The following TMEM165 variants were observed in gnomAD, a reference collection of about 807,000 sequenced individuals.
The protein encoded by TMEM165 is transmembrane protein 165.
In TMEM165, 19 loss-of-function variants were observed where a neutral mutation model predicts 30.0. That is an observed-to-expected ratio of 0.63 (90% CI 0.44 to 0.93). The LOEUF (loss-of-function observed/expected upper bound fraction) is 0.93, where lower values mean the gene tolerates loss of function less well. TMEM165 is among the 40% of genes least tolerant of loss of function. The pLI is 0.00. For missense variants in TMEM165, 340 were observed against 417.0 expected (o/e 0.82, Z 1.61); for synonymous variants, 168 against 162.9 (o/e 1.03, Z -0.24).
intron 4 of TMEM165, among the ~76,000 whole-genome samples, chr4:55,420,106 A>AAAAATATAT (rs1474254120): frequency 6.6e-5 from 3 of 45,454 alleles, no homozygotes; most frequent in Admixed American, 2.4e-4. Context: ...AAGAAAAAAA[A>AAAAATATAT]ATATATATAT....
chr4:55,403,198 A>G (rs1212039581), intron 1 of TMEM165: 1 of 1,187,506 alleles, frequency 8.4e-7, no homozygotes, highest in East Asian at 5.7e-5. Flanking sequence ...CTCTTGTTTG[A>G]TAACTTATTG....
At chr4:55,407,308 C>T (rs1721310181) in intron 1 of TMEM165, among the ~76,000 whole-genome samples, 1 of 152,112 alleles carries the variant, frequency 6.6e-6, no homozygotes, top group Admixed American at 6.5e-5. Context: ...CACTGCCCAG[C>T]ACTGTAACCA....
At chr4:55,431,177 C>T (rs1378246994) in intron 3 of TMEM165, 1 of 151,994 alleles carries the variant, frequency 6.6e-6, no homozygotes, top group African/African-American at 2.4e-5. Context: ...CTATTCCTTC[C>T]GTAAAGGATC....
rs200237983 is a variant in TMEM165, at chr4:55,444,586, C to A, written c.409-7653C>A. On this transcript the variant is annotated intron_variant, in intron 3 of 3. Coordinates refer to the TMEM165 transcript ENST00000608091. Reference sequence around the variant, plus strand: ...AGAAAAGTTAATTTTCCTAGAAATCCAAAATGTGAATGGGATGCTTTGTTT... The same window carrying A: ...AGAAAAGTTAATTTTCCTAGAAATCAAAAATGTGAATGGGATGCTTTGTTT... The A allele has an allele frequency of 1.0e-4, 162 of 1,612,240 alleles. 2 individuals are homozygous for A. The Middle Eastern group carries it at 1.7e-3, about 16-fold the overall frequency.
At chr4:55,436,571 G>A (rs918724833) in intron 3 of TMEM165, among the ~76,000 whole-genome samples, 10 of 152,164 alleles carry the variant, frequency 6.6e-5, no homozygotes, top group African/African-American at 2.4e-4. Context: ...GAGCTGTGGT[G>A]GGCAATTTTT....
intron 3 of TMEM165, among the ~76,000 whole-genome samples, chr4:55,451,378 A>C (rs1409140086): frequency 6.6e-6 from 1 of 152,156 alleles, no homozygotes; most frequent in Non-Finnish European, 1.5e-5. Flanking sequence ...TTTTATTCCT[A>C]ACTTACTAGC....
At chr4:55,440,712 T>C (rs1182228495) in intron 3 of TMEM165, among the ~76,000 whole-genome samples, 1 of 152,222 alleles carries the variant, frequency 6.6e-6, no homozygotes, top group Non-Finnish European at 1.5e-5. Flanking sequence ...AATTAATACC[T>C]GAATTAGCCC....
At chr4:55,450,939 T>C (rs564741568) in intron 3 of TMEM165, among the ~76,000 whole-genome samples, 2 of 152,150 alleles carry the variant, frequency 1.3e-5, no homozygotes, top group Admixed American at 6.5e-5. Context: ...TAGAGTTTCA[T>C]AGTTTCATAC....
chr4:55,396,471 G>C, intron 1 of TMEM165, 75 bp downstream of exon 1: 1 of 1,242,444 alleles, frequency 8.0e-7, no homozygotes, highest in Non-Finnish European at 1.0e-6. Context: ...GCCTTTGAAA[G>C]CGCCGCACTC....
At chr4:55,396,498 G>C in intron 1 of TMEM165, 102 bp downstream of exon 1, 1 of 1,061,960 alleles carries the variant, frequency 9.4e-7, no homozygotes, top group Non-Finnish European at 1.2e-6. Flanking sequence ...CCTCGGCTGG[G>C]GGAGGGGAGC....
chr4:55,422,621 G>A (rs1722027603), intron 4 of TMEM165, among the ~76,000 whole-genome samples: 1 of 151,830 alleles, frequency 6.6e-6, no homozygotes, highest in Non-Finnish European at 1.5e-5. Flanking sequence ...CATCAATTGT[G>A]GGAGAGAAAC....
intron 1 of TMEM165, among the ~76,000 whole-genome samples, chr4:55,400,376 TATAATA>T (rs151178143): frequency 4.4e-4 from 50 of 112,946 alleles, no homozygotes; most frequent in South Asian, 1.4e-3. Flanking sequence ...ATTATATTAA[TATAATA>T]ATAATAAATA....
At chr4:55,449,098 G>A (rs1398413892) in intron 3 of TMEM165, among the ~76,000 whole-genome samples, 1 of 151,616 alleles carries the variant, frequency 6.6e-6, no homozygotes, top group East Asian at 1.9e-4. Flanking sequence ...CTCAATAAAA[G>A]TTGGCCAGAC....
chr4:55,421,236 A>T lies in TMEM165; in HGVS notation c.792+3251A>T, dbSNP rs1410610240. The stretch of plus-strand genomic sequence containing the variant: ...GACTGGAAAGTCCTATATTAAAGGA[A>T]CTAGTTAAATACTAGTTTATTTTAC... On this transcript the variant is annotated intron_variant, in intron 4 of 5. Coordinates refer to ENST00000381334, the MANE Select transcript of TMEM165 (RefSeq NM_018475.5). Among the ~76,000 whole-genome samples, 4 of 149,876 alleles carry T rather than the reference A, an allele frequency of 2.7e-5. No homozygotes were observed. The East Asian group carries it at 7.8e-4, about 29-fold the overall frequency.
intron 3 of TMEM165, chr4:55,450,156 G>C (rs1212882534): frequency 6.2e-7 from 1 of 1,613,894 alleles, no homozygotes; most frequent in Non-Finnish European, 8.5e-7. Flanking sequence ...AGAAGGGGTT[G>C]GGCTGTGATC....
At chr4:55,397,790 A>G (rs909004334) in intron 1 of TMEM165, among the ~76,000 whole-genome samples, 1 of 150,382 alleles carries the variant, frequency 6.6e-6, no homozygotes, top group African/African-American at 2.5e-5. Context: ...TCTGTCGCCC[A>G]GGCTGGAGTG....
chr4:55,435,972 T>G (rs923778761), intron 3 of TMEM165, among the ~76,000 whole-genome samples: 2 of 152,170 alleles, frequency 1.3e-5, no homozygotes, highest in African/African-American at 4.8e-5. Flanking sequence ...AGACAGACAA[T>G]GCCTTCTGCA....
intron 3 of TMEM165, among the ~76,000 whole-genome samples, chr4:55,450,596 C>T (rs952595299): frequency 3.3e-5 from 5 of 152,036 alleles, no homozygotes; most frequent in Admixed American, 6.6e-5. Flanking sequence ...GGTGAAACCC[C>T]GTCTCTACCA....
chr4:55,416,843 A>G (rs574602372), intron 2 of TMEM165: 7 of 383,702 alleles, frequency 1.8e-5, no homozygotes, highest in East Asian at 9.9e-5. Context: ...GCCATCTTCA[A>G]CTGGACCATT....
Sources: allele counts gnomAD v4.1 joint callset (sites outside exome capture counted in the v4.1 genomes callset), GRCh38; gene constraint gnomAD v4.1.1; transcripts MANE v1.5; gene names NCBI Gene and HGNC (gene_info 2026-07-23, HGNC 2026-07-21).